INSL6: variants seen among roughly 807,000 people sequenced by gnomAD.
INSL6 encodes the protein insulin like 6, also known as insulin-like peptide INSL6.
In INSL6, 16 loss-of-function variants were observed where a neutral mutation model predicts 9.4. That is an observed-to-expected ratio of 1.70 (90% CI 1.15 to 2.59). The LOEUF (loss-of-function observed/expected upper bound fraction) is 2.59, where lower values mean the gene tolerates loss of function less well. INSL6 is among the 30% of genes most tolerant of loss of function. The pLI is 0.00. For missense variants in INSL6, 391 were observed against 257.3 expected (o/e 1.52, Z -3.56); for synonymous variants, 154 against 96.9 (o/e 1.59, Z -3.46).
At chr9:5,019,945 T>C in the INSL6 span, among the ~76,000 whole-genome samples, 43 of 152,198 alleles carry the variant, frequency 2.8e-4, no homozygotes, top group Non-Finnish European at 6.2e-4. Context: ...CAACCATGCC[T>C]GTACATTAGC....
At chr9:5,168,226 T>G (rs952478791) in intron 1 of INSL6, among the ~76,000 whole-genome samples, 1 of 151,978 alleles carries the variant, frequency 6.6e-6, no homozygotes, top group East Asian at 1.9e-4. Flanking sequence ...GAGTCAGAGA[T>G]AGATAAATTG....
chr9:5,105,609 C>G, the INSL6 span, among the ~76,000 whole-genome samples: 1 of 152,076 alleles, frequency 6.6e-6, no homozygotes, highest in Non-Finnish European at 1.5e-5. Flanking sequence ...ATTGCCAAGA[C>G]CATCCTAAGC....
downstream of INSL6, among the ~76,000 whole-genome samples, chr9:5,120,423 A>G (rs1823527761): frequency 1.3e-5 from 2 of 152,198 alleles, no homozygotes; most frequent in African/African-American, 4.8e-5. Context: ...CCATGATATC[A>G]TTTTTTTAAA....
chr9:5,111,401 G>A, the INSL6 span: 2 of 403,662 alleles, frequency 5.0e-6, no homozygotes, highest in East Asian at 6.3e-5. Context: ...GGCGGACAGC[G>A]GCCTGGACAC....
intron 1 of INSL6, among the ~76,000 whole-genome samples, chr9:5,175,712 G>A (rs951400073): frequency 2.0e-5 from 3 of 152,088 alleles, no homozygotes; most frequent in African/African-American, 7.2e-5. Flanking sequence ...TTATAGGAGT[G>A]TGAACCCTAT....
At chr9:5,042,130 T>C in the INSL6 span, among the ~76,000 whole-genome samples, 51 of 65,452 alleles carry the variant, frequency 7.8e-4, 1 homozygote, top group East Asian at 0.012. Context: ...ATTTCTTTTT[T>C]TTTTTTTTTT....
At chr9:5,144,289 A>T (rs1824556517) in intron 2 of INSL6, among the ~76,000 whole-genome samples, 1 of 152,220 alleles carries the variant, frequency 6.6e-6, no homozygotes, top group Non-Finnish European at 1.5e-5. Context: ...CAGGTTATTC[A>T]ATTTCCATGT....
chr9:5,046,265 T>G, the INSL6 span, among the ~76,000 whole-genome samples: 1 of 152,130 alleles, frequency 6.6e-6, no homozygotes, highest in Non-Finnish European at 1.5e-5. Context: ...AATCAGGTTG[T>G]TTGTTTGTTG....
At chr9:5,038,930 G>A in the INSL6 span, among the ~76,000 whole-genome samples, 1 of 151,898 alleles carries the variant, frequency 6.6e-6, no homozygotes, top group East Asian at 1.9e-4. Flanking sequence ...AAGAGACACA[G>A]AAAAAGTATT....
the INSL6 span, among the ~76,000 whole-genome samples, chr9:5,104,970 C>A: frequency 5.9e-5 from 9 of 152,274 alleles, no homozygotes; most frequent in South Asian, 1.9e-3. Context: ...TGGGCAAAAA[C>A]TGGAAGCATT....
chr9:5,160,534 TA>T (rs1457117706), downstream of INSL6, among the ~76,000 whole-genome samples: 1 of 151,982 alleles, frequency 6.6e-6, no homozygotes, highest in Non-Finnish European at 1.5e-5. Context: ...TGATACACCT[TA>T]AAGAACTAGA....
intron 1 of INSL6, among the ~76,000 whole-genome samples, chr9:5,174,708 C>G (rs1825258646): frequency 6.6e-6 from 1 of 152,186 alleles, no homozygotes; most frequent in South Asian, 2.1e-4. Flanking sequence ...CAAGATGACT[C>G]TTTCAAACTC....
At chr9:5,159,882 C>T (rs923115812), downstream of INSL6, among the ~76,000 whole-genome samples, 4 of 152,326 alleles carry the variant, frequency 2.6e-5, no homozygotes, top group East Asian at 5.8e-4. Context: ...CGAGAATAGA[C>T]CACATGTGGC....
At chr9:5,106,341 A>T in the INSL6 span, among the ~76,000 whole-genome samples, 1 of 152,250 alleles carries the variant, frequency 6.6e-6, no homozygotes, top group East Asian at 1.9e-4. Context: ...TCAAAACCAC[A>T]ATGAGATACC....
downstream of INSL6, among the ~76,000 whole-genome samples, chr9:5,120,590 G>A (rs1823541034): frequency 6.6e-6 from 1 of 152,132 alleles, no homozygotes; most frequent in African/African-American, 2.4e-5. Context: ...ACAGGATTTT[G>A]GACTCCTGGA....
In INSL6 at chr9:5,185,574, A is replaced by C. The variant is rs748921712; in HGVS notation, c.29T>G (p.Leu10Arg). The change falls in exon 1 of 2, where the codon CTG becomes CGG. Residue 10 changes from leucine to arginine, a missense_variant. Coordinates refer to ENST00000381641, the MANE Select transcript of INSL6 (RefSeq NM_007179.3). Reference sequence around the variant, plus strand: ...CCGAACCAGCAGGAGTCCAAGCCACAGCAGGGACAAGCGGAGGAGCCGCGG... The same window carrying C: ...CCGAACCAGCAGGAGTCCAAGCCACCGCAGGGACAAGCGGAGGAGCCGCGG... MPRLLRLSL[L>R]WLGLLLVRFS... is the part of the protein sequence containing the mutation. The C allele has an allele frequency of 3.7e-6, 6 of 1,613,788 alleles. No individual in the cohort carries two copies. Among genetic ancestry groups the C allele is most frequent in the Non-Finnish European group, 4.2e-6 (5 of 1,179,970 alleles).
At chr9:5,087,582 AAT>A in the INSL6 span, among the ~76,000 whole-genome samples, 1 of 152,192 alleles carries the variant, frequency 6.6e-6, no homozygotes, top group Non-Finnish European at 1.5e-5. Context: ...CCATAAGAAA[AAT>A]AGAGGCATTC....
chr9:5,103,311 A>G, the INSL6 span, among the ~76,000 whole-genome samples: 3 of 151,292 alleles, frequency 2.0e-5, no homozygotes, highest in East Asian at 5.8e-4. Flanking sequence ...ACAAAGATCA[A>G]AAGAGACAAA....
chr9:5,109,384 T>C, the INSL6 span: 3 of 152,184 alleles, frequency 2.0e-5, no homozygotes, highest in African/African-American at 7.2e-5. Context: ...CAAGAACTGC[T>C]AACTCATGCC....
Sources: gnomAD v4.1 joint callset for allele counts (sites outside exome capture counted in the v4.1 genomes callset) on GRCh38, gnomAD v4.1.1 for gene constraint, MANE v1.5 for transcripts, NCBI Gene and HGNC (gene_info 2026-07-23, HGNC 2026-07-21) for gene names.